Variants in GLG1 observed in about 807,000 individuals in gnomAD.
The protein encoded by GLG1 is Golgi apparatus protein 1.
In GLG1, 38 loss-of-function variants were observed where a neutral mutation model predicts 160.5. The ratio of observed to expected loss-of-function variants is 0.24; its 90% CI spans 0.18 to 0.31. The LOEUF (loss-of-function observed/expected upper bound fraction) is 0.31, where lower values mean the gene tolerates loss of function less well. Among genes scored for constraint, GLG1 ranks in the 10% least tolerant of loss-of-function variants. GLG1 has a pLI of 1.00. For missense variants in GLG1, 1,373 were observed against 1,505.2 expected, an observed-to-expected ratio of 0.91 and a Z score of 1.45; for synonymous variants, 644 against 543.4, an observed-to-expected ratio of 1.19 and a Z score of -2.57.
intron 1 of GLG1, among the ~76,000 whole-genome samples, chr16:74,532,678 C>A (rs1249949565): frequency 6.6e-6 from 1 of 151,950 alleles, no homozygotes; most frequent in Non-Finnish European, 1.5e-5. Context: ...CGCAATGTCA[C>A]CAAGCCCAGC....
intron 8 of GLG1, among the ~76,000 whole-genome samples, chr16:74,490,479 T>C (rs902179362): frequency 2.0e-5 from 3 of 152,210 alleles, no homozygotes; most frequent in African/African-American, 7.2e-5. Flanking sequence ...GAAAAGATAG[T>C]GTGATTTCAA....
chr16:74,465,506 C>T (rs1278607048), intron 19 of GLG1, among the ~76,000 whole-genome samples, 170 bp downstream of exon 19: 1 of 152,170 alleles, frequency 6.6e-6, no homozygotes, highest in Admixed American at 6.5e-5. Flanking sequence ...TCTGATTCAG[C>T]AGATCTGGAG....
intron 1 of GLG1, among the ~76,000 whole-genome samples, chr16:74,536,942 G>T (rs1266401614): frequency 1.3e-5 from 2 of 152,150 alleles, no homozygotes; most frequent in Non-Finnish European, 2.9e-5. Context: ...CACATTATCA[G>T]CTACTCCTTA....
intron 1 of GLG1, among the ~76,000 whole-genome samples, chr16:74,593,732 G>A (rs932042097): frequency 7.2e-5 from 11 of 151,890 alleles, no homozygotes; most frequent in African/African-American, 1.2e-4. Flanking sequence ...ACCACACCTG[G>A]CCAGGTACCA....
chr16:74,592,947 T>C (rs1597380281), intron 1 of GLG1, among the ~76,000 whole-genome samples: 1 of 152,156 alleles, frequency 6.6e-6, no homozygotes, highest in Admixed American at 6.6e-5. Context: ...GTCTCATGAA[T>C]GGATTAATGC....
intron 12 of GLG1, among the ~76,000 whole-genome samples, chr16:74,476,786 A>C (rs1362609795): frequency 6.6e-6 from 1 of 152,118 alleles, no homozygotes; most frequent in African/African-American, 2.4e-5. Context: ...AACTGAACTG[A>C]ATTTTAGGTA....
At chr16:74,561,996 C>G (rs1215291843) in intron 1 of GLG1, among the ~76,000 whole-genome samples, 1 of 152,226 alleles carries the variant, frequency 6.6e-6, no homozygotes, top group Non-Finnish European at 1.5e-5. Flanking sequence ...CCTGATGGGT[C>G]ATTGGAACAC....
rs1465172814 is a variant in GLG1, at chr16:74,462,636, G to A, written c.2792-6C>T. 6.2e-7 allele frequency: 1 copy of A among 1,613,712 alleles called. No individual in the cohort carries two copies. Among genetic ancestry groups the A allele is most frequent in the Non-Finnish European group, 8.5e-7 (1 of 1,179,714 alleles). On this transcript the variant is annotated splice_region_variant and splice_polypyrimidine_tract_variant and intron_variant, in intron 20 of 25. Coordinates refer to ENST00000422840, the MANE Select transcript of GLG1 (RefSeq NM_001145667.2). ...CATGGGGTTTAAGCGGTAATCTAGA[G>A]TAGAAAGCAGTGAGCATGTGACAAA...
chr16:74,490,934 G>A, intron 8 of GLG1, 67 bp downstream of exon 8: 4 of 1,076,368 alleles, frequency 3.7e-6, no homozygotes, highest in Non-Finnish European at 5.7e-6. Context: ...AGGTGGGACA[G>A]CATCAGGAAG....
At chr16:74,494,977 T>A in intron 5 of GLG1, 146 bp from the exon 6 acceptor site, 2 of 305,334 alleles carry the variant, frequency 6.6e-6, no homozygotes, top group Non-Finnish European at 6.3e-6. Context: ...TAAAATTTAA[T>A]AGGCTTTTAA....
chr16:74,477,810 C>G (rs1254727383), intron 11 of GLG1, among the ~76,000 whole-genome samples: 1 of 151,766 alleles, frequency 6.6e-6, no homozygotes, highest in Non-Finnish European at 1.5e-5. Context: ...CCTGTCTCTA[C>G]TAAACACACA....
intron 1 of GLG1, among the ~76,000 whole-genome samples, chr16:74,571,074 G>A (rs79027140): frequency 0.012 from 1,845 of 152,092 alleles, 17 homozygotes; most frequent in South Asian, 0.019. Context: ...GGACTGAAAA[G>A]TGCTTGTACA....
intron 1 of GLG1, among the ~76,000 whole-genome samples, chr16:74,559,425 C>T (rs1226109958): frequency 6.9e-6 from 1 of 145,402 alleles, no homozygotes; most frequent in East Asian, 2.0e-4. Flanking sequence ...GCCTGGGTGA[C>T]AGAGGGAGAT....
intron 9 of GLG1, among the ~76,000 whole-genome samples, chr16:74,483,872 G>C (rs2015694628): frequency 6.6e-6 from 1 of 152,000 alleles, no homozygotes; most frequent in Non-Finnish European, 1.5e-5. Context: ...TGTTAGCCAG[G>C]ATGGTCTCGA....
intron 1 of GLG1, among the ~76,000 whole-genome samples, chr16:74,553,469 GTTTTTTT>G (rs537408696): frequency 5.7e-5 from 6 of 106,086 alleles, no homozygotes; most frequent in Non-Finnish European, 9.0e-5. Flanking sequence ...TTTTGTTTCG[GTTTTTTT>G]TTTTTTTTTT....
chr16:74,468,879 G>A (rs2015096867), intron 17 of GLG1, 67 bp downstream of exon 17: 1 of 976,330 alleles, frequency 1.0e-6, no homozygotes, highest in Non-Finnish European at 1.7e-6. Flanking sequence ...CCTTGCCCTA[G>A]CCTCTCCCCA....
chr16:74,561,021 A>ACGCAGTCCTG (rs1243346280), intron 1 of GLG1, among the ~76,000 whole-genome samples: 15 of 152,366 alleles, frequency 9.8e-5, no homozygotes, highest in African/African-American at 1.9e-4. Context: ...GTCTGGCACC[A>ACGCAGTCCTG]CGCAGTCCTG....
chr16:74,532,572 G>A (rs968121086), intron 1 of GLG1, among the ~76,000 whole-genome samples: 2 of 151,990 alleles, frequency 1.3e-5, no homozygotes, highest in African/African-American at 4.8e-5. Context: ...CACCCAGGCT[G>A]CCATGCAGTG....
intron 1 of GLG1, among the ~76,000 whole-genome samples, chr16:74,601,247 G>A (rs371206957): frequency 2.4e-4 from 37 of 152,008 alleles, no homozygotes; most frequent in African/African-American, 8.9e-4. Flanking sequence ...AATATATACA[G>A]GAAACGACTC....
Sources: gnomAD v4.1 joint callset for allele counts (sites outside exome capture counted in the v4.1 genomes callset) on GRCh38, gnomAD v4.1.1 for gene constraint, MANE v1.5 for transcripts, NCBI Gene and HGNC (gene_info 2026-07-23, HGNC 2026-07-21) for gene names.